Variants in SGCZ observed in about 807,000 individuals in gnomAD.
SGCZ encodes sarcoglycan zeta.
In SGCZ, 40 loss-of-function variants were observed where a neutral mutation model predicts 41.3. The observed-to-expected ratio is 0.97, with a 90% CI of 0.75 to 1.26. SGCZ has a LOEUF of 1.26. SGCZ is among the 50% of genes most tolerant of loss of function. The probability of loss-of-function intolerance (pLI) is 0.00; values close to 1 mark genes in which losing one functional copy is unlikely to be tolerated. For missense variants in SGCZ, 552 were observed against 369.8 expected, an observed-to-expected ratio of 1.49 and a Z score of -4.04; for synonymous variants, 206 against 137.5, an observed-to-expected ratio of 1.50 and a Z score of -3.49.
At chr8:14,830,522 G>C (rs1802489122) in intron 1 of SGCZ, among the ~76,000 whole-genome samples, 3 of 151,914 alleles carry the variant, frequency 2.0e-5, no homozygotes, top group Admixed American at 2.0e-4. Context: ...TAATTGTATT[G>C]TTTAAATTGT....
chr8:14,849,970 C>G (rs1193496850), intron 1 of SGCZ, among the ~76,000 whole-genome samples: 2 of 152,110 alleles, frequency 1.3e-5, no homozygotes, highest in Non-Finnish European at 1.5e-5. Flanking sequence ...ATTTTGGTTT[C>G]TTTTTACATA....
At chr8:14,803,335 G>C (rs951892434) in intron 1 of SGCZ, among the ~76,000 whole-genome samples, 10 of 152,108 alleles carry the variant, frequency 6.6e-5, no homozygotes, top group African/African-American at 1.7e-4. Flanking sequence ...TCTCACTAGG[G>C]AGTGCCAGAC....
intron 1 of SGCZ, among the ~76,000 whole-genome samples, chr8:15,017,211 T>G (rs931427311): frequency 1.3e-5 from 2 of 152,202 alleles, no homozygotes; most frequent in East Asian, 3.9e-4. Context: ...TTTAGTTGCC[T>G]CATCAGTAAC....
At chr8:14,595,416 C>G (rs1585110116) in intron 1 of SGCZ, among the ~76,000 whole-genome samples, 1 of 151,486 alleles carries the variant, frequency 6.6e-6, no homozygotes, top group South Asian at 2.1e-4. Flanking sequence ...CACACACACA[C>G]ACACACACAC....
At chr8:14,240,346 AAAAAAAAAAG>A (rs1211213398) in intron 3 of SGCZ, among the ~76,000 whole-genome samples, 6 of 148,820 alleles carry the variant, frequency 4.0e-5, no homozygotes, top group African/African-American at 1.5e-4. Context: ...AAAAAAAAAA[AAAAAAAAAAG>A]AACTGAAAGT....
intron 4 of SGCZ, among the ~76,000 whole-genome samples, chr8:14,234,442 G>A (rs1006728973): frequency 6.6e-6 from 1 of 151,956 alleles, no homozygotes; most frequent in Non-Finnish European, 1.5e-5. Context: ...GGTACAATGA[G>A]AATAAAATAT....
At chr8:14,138,845 T>C (rs1054568036) in intron 5 of SGCZ, among the ~76,000 whole-genome samples, 5 of 152,166 alleles carry the variant, frequency 3.3e-5, no homozygotes, top group African/African-American at 9.6e-5. Context: ...GCGGACCTAA[T>C]AGACATCTAC....
chr8:14,103,315 GTAAAAAGTGCTAGGA>G (rs1305769928), intron 6 of SGCZ, among the ~76,000 whole-genome samples: 2 of 152,036 alleles, frequency 1.3e-5, no homozygotes, highest in Non-Finnish European at 2.9e-5. Context: ...GAATACAGTG[GTAAAAAGTGCTAGGA>G]TGAGAAGAGG....
intron 6 of SGCZ, among the ~76,000 whole-genome samples, chr8:14,104,021 G>T (rs956948274): frequency 5.3e-5 from 8 of 152,062 alleles, no homozygotes; most frequent in African/African-American, 1.9e-4. Flanking sequence ...CTTCTCTCTT[G>T]TATGGAAAGT....
intron 1 of SGCZ, among the ~76,000 whole-genome samples, chr8:14,762,074 T>A (rs935896811): frequency 2.0e-5 from 3 of 152,190 alleles, no homozygotes; most frequent in African/African-American, 7.2e-5. Flanking sequence ...AGATGCCACA[T>A]TGACATGGAA....
At chr8:14,457,848 G>T (rs577602097) in intron 2 of SGCZ, among the ~76,000 whole-genome samples, 2 of 151,998 alleles carry the variant, frequency 1.3e-5, no homozygotes, top group African/African-American at 2.4e-5. Flanking sequence ...AAATAACAGC[G>T]CAGCCAGACA....
chr8:14,839,228 A>G (rs1802814339), intron 1 of SGCZ, among the ~76,000 whole-genome samples: 1 of 152,086 alleles, frequency 6.6e-6, no homozygotes, highest in African/African-American at 2.4e-5. Context: ...GATATGGGGT[A>G]TAGAAAGAGG....
intron 2 of SGCZ, among the ~76,000 whole-genome samples, chr8:14,448,865 G>T (rs371640411): frequency 2.0e-5 from 3 of 152,092 alleles, no homozygotes; most frequent in East Asian, 3.9e-4. Flanking sequence ...TGACATAGCT[G>T]GGCGCTGTAC....
chr8:14,347,857 C>T (rs760613543), intron 2 of SGCZ, among the ~76,000 whole-genome samples: 14 of 152,060 alleles, frequency 9.2e-5, no homozygotes, highest in Non-Finnish European at 1.9e-4. Flanking sequence ...GAACGAAATA[C>T]ATGTACTCAG....
intron 3 of SGCZ, among the ~76,000 whole-genome samples, chr8:14,247,005 GGAA>G (rs1799120041): frequency 6.6e-6 from 1 of 151,540 alleles, no homozygotes; most frequent in South Asian, 2.1e-4. Context: ...TTATGTTAAA[GGAA>G]GAAGTGCTTA....
At chr8:15,021,709 T>C (rs1803255359) in intron 1 of SGCZ, among the ~76,000 whole-genome samples, 1 of 152,218 alleles carries the variant, frequency 6.6e-6, no homozygotes, top group African/African-American at 2.4e-5. Flanking sequence ...TGACTTCCAT[T>C]GATTAGGATT....
At chr8:14,213,667 C>T (rs1805893240) in intron 4 of SGCZ, among the ~76,000 whole-genome samples, 2 of 151,948 alleles carry the variant, frequency 1.3e-5, no homozygotes, top group African/African-American at 4.8e-5. Flanking sequence ...TAATAGACCT[C>T]ATGAACCTTT....
chr8:14,261,697 A>G (rs1170500422), intron 3 of SGCZ, among the ~76,000 whole-genome samples: 1 of 152,204 alleles, frequency 6.6e-6, no homozygotes, highest in East Asian at 1.9e-4. Context: ...GTAAAGCTGA[A>G]CAAAAGAATG....
At chr8:14,150,398 A>G (rs1803663311) in intron 5 of SGCZ, among the ~76,000 whole-genome samples, 1 of 152,196 alleles carries the variant, frequency 6.6e-6, no homozygotes, top group Non-Finnish European at 1.5e-5. Context: ...AAGAAAACAC[A>G]CACATGGCAA....
Sources: allele counts gnomAD v4.1 joint callset (sites outside exome capture counted in the v4.1 genomes callset), GRCh38; gene constraint gnomAD v4.1.1; transcripts MANE v1.5; gene names NCBI Gene and HGNC (gene_info 2026-07-23, HGNC 2026-07-21).